The following MPP2 variants were observed in gnomAD, a reference collection of about 807,000 sequenced individuals.
The protein encoded by MPP2 is MAGUK p55 subfamily member 2.
Under a neutral mutation model 58.5 loss-of-function variants are expected in MPP2, and 42 were observed. That is an observed-to-expected ratio of 0.72 (90% CI 0.56 to 0.93). The LOEUF (loss-of-function observed/expected upper bound fraction) is 0.93, where lower values mean the gene tolerates loss of function less well. Ranked by LOEUF, MPP2 falls within the 40% of genes least tolerant of loss-of-function variation. The pLI is 0.00. For synonymous variants in MPP2, 300 were observed against 307.8 expected (o/e 0.97, Z 0.26); for missense variants, 632 against 760.4 (o/e 0.83, Z 1.99).
In MPP2 at chr17:43,875,817, G is replaced by A. The variant is rs942083642; in HGVS notation, c.*1990C>T. Reference sequence around the variant, plus strand: ...CAACCCATCTCCATCAGAGATGATGGTCATTTGGATCAAGGGGGCAGAAGC... The same window carrying A: ...CAACCCATCTCCATCAGAGATGATGATCATTTGGATCAAGGGGGCAGAAGC... On this transcript the variant is annotated 3_prime_UTR_variant, in exon 13 of 13. Transcript: ENST00000269095. 1 of 152,194 alleles carries A rather than the reference G, an allele frequency of 6.6e-6. No individual in the cohort carries two copies. Among genetic ancestry groups the A allele is most frequent in the Non-Finnish European group, 1.5e-5 (1 of 68,050 alleles). The allele number at this position is 152,194 out of a possible 1,614,324, so 9.4% of individuals were successfully genotyped here.
At position 43,901,710 on chromosome 17, in the gene MPP2, G is replaced by A. The variant is rs2048103190; in HGVS notation, c.31+2720C>T. ...AAAAAGGGAGGGAATCTGGTGACAG[G>A]GGAAGAGGGAGCAAGGCTGCAGGTC... is the stretch of plus-strand genomic sequence containing the variant. On this transcript the variant is annotated intron_variant, in intron 2 of 12. Transcript: ENST00000269095. 1.7e-5 allele frequency: 9 copies of A among 517,888 alleles called. No individual in the cohort carries two copies. The Admixed American group carries it at 4.5e-4, about 26-fold the overall frequency. 32.1% of individuals were successfully genotyped at this position (517,888 alleles called of 1,614,324 possible).
chr17:43,886,109 A>C (rs893994690), intron 3 of MPP2, among the ~76,000 whole-genome samples: 1 of 147,768 alleles, frequency 6.8e-6, no homozygotes, highest in Non-Finnish European at 1.5e-5. Flanking sequence ...CTCTGTTTCC[A>C]AAAAAAAAAA....
In MPP2 at chr17:43,879,233, A is replaced by T; in HGVS notation, c.1482+42T>A. ...GCTCAGGCCTGTCCCCCACCACCCTAGGCAGCTATCAGACCCCTCCCCCAC... is the reference window on the plus strand; with the variant it reads ...GCTCAGGCCTGTCCCCCACCACCCTTGGCAGCTATCAGACCCCTCCCCCAC... On this transcript the variant is annotated intron_variant, in intron 12 of 12. Transcript: ENST00000269095. The surrounding 1 kb of genome is among the most constrained non-coding windows in gnomAD (Gnocchi z 4.1). The T allele has an allele frequency of 6.3e-7, 1 of 1,583,396 alleles. No individual in the cohort carries two copies. Among genetic ancestry groups the T allele is most frequent in the South Asian group, 1.1e-5 (1 of 87,696 alleles).
intron 3 of MPP2, among the ~76,000 whole-genome samples, chr17:43,887,054 A>G (rs1003596296): frequency 1.3e-5 from 2 of 151,246 alleles, no homozygotes; most frequent in Non-Finnish European, 3.0e-5. Flanking sequence ...TGCATGCAAA[A>G]AAAAAAAAAA....
intron 2 of MPP2, chr17:43,900,490 T>TAC: frequency 1.3e-6 from 2 of 1,539,766 alleles, no homozygotes; most frequent in Non-Finnish European, 1.8e-6. Flanking sequence ...GGAGCTCCGC[T>TAC]TCCTCAGAAG....
intron 1 of MPP2, among the ~76,000 whole-genome samples, chr17:43,906,907 C>T (rs2048313630): frequency 6.7e-6 from 1 of 148,784 alleles, no homozygotes; most frequent in Non-Finnish European, 1.5e-5. Context: ...CTCTTCGCTT[C>T]TGGCACCGGT....
chr17:43,907,837 G>C, upstream of MPP2: 1 of 985,466 alleles, frequency 1.0e-6, no homozygotes, highest in Non-Finnish European at 1.2e-6. Context: ...TGCCTAATGA[G>C]ACCGGCTTGA....
In MPP2 at chr17:43,881,572, G is replaced by A. The variant is rs868650910; in HGVS notation, c.699C>T (p.His233=). The A allele has an allele frequency of 1.1e-5, 17 of 1,613,986 alleles. No individual in the cohort carries two copies. In the Middle Eastern group the frequency reaches 2.3e-3, roughly 220 times the overall value. ...HLPRQVFVKC[H]FDYDPARDSL... is the part of the protein sequence containing the mutation. The stretch of plus-strand genomic sequence containing the variant: ...TGTCTCGGGCCGGGTCATAGTCAAA[G>A]TGACATTTCACAAATACCTGGGCCC... Residue 233 remains histidine, a synonymous_variant, in exon 7 of 13, where the codon CAC becomes CAT. Transcript: ENST00000269095.
chr17:43,881,055 GAGGAGGGTAA>G (rs759199112), intron 9 of MPP2, 25 bp downstream of exon 9: 1 of 1,608,788 alleles, frequency 6.2e-7, no homozygotes, highest in Non-Finnish European at 8.5e-7. Context: ...TGCCATGTTA[GAGGAGGGTAA>G]GGGAGGGGGC....
intron 8 of MPP2, 26 bp downstream of exon 8, chr17:43,881,218 G>T: frequency 1.2e-6 from 2 of 1,613,556 alleles, no homozygotes; most frequent in African/African-American, 1.3e-5. Flanking sequence ...CCAGATTGGA[G>T]GTGTGGGGTA....
chr17:43,883,167 T>C (rs775654845), intron 4 of MPP2, 36 bp downstream of exon 4: 5 of 1,576,762 alleles, frequency 3.2e-6, no homozygotes, highest in Non-Finnish European at 3.5e-6. Flanking sequence ...TCCACCCACC[T>C]CCTGCTCCCT....
intron 3 of MPP2, among the ~76,000 whole-genome samples, chr17:43,897,505 C>A (rs1296507428): frequency 9.1e-6 from 1 of 109,380 alleles, no homozygotes; most frequent in Non-Finnish European, 2.0e-5. Flanking sequence ...ACAAAAAAAA[C>A]CATAAAGCCT....
chr17:43,907,918 C>T (rs2048356419), upstream of MPP2: 1 of 985,402 alleles, frequency 1.0e-6, no homozygotes, highest in African/African-American at 1.7e-5. Flanking sequence ...TCCTCGTTAT[C>T]CTGCTTCCAT....
intron 2 of MPP2, among the ~76,000 whole-genome samples, chr17:43,899,399 C>G (rs1225339387): frequency 6.6e-6 from 1 of 151,668 alleles, no homozygotes; most frequent in Non-Finnish European, 1.5e-5. Flanking sequence ...GGCCCAGAGT[C>G]AAGCAGGCAG....
Position 43,875,380 on chromosome 17 carries a change from A to G in MPP2, c.*2427T>C, listed in dbSNP as rs999695000. 6.6e-5 allele frequency: 10 copies of G among 152,292 alleles called. No individual in the cohort carries two copies. The highest frequency in any genetic ancestry group is 2.4e-4 in the African/African-American group (10 of 41,456). 9.4% of individuals were successfully genotyped at this position (152,292 alleles called of 1,614,324 possible). ...AAGCCTTTGCTTTCACATTTAATCCAAGGAAAAAGAAAGAAAACCAATCAG... is the reference window on the plus strand; with the variant it reads ...AAGCCTTTGCTTTCACATTTAATCCGAGGAAAAAGAAAGAAAACCAATCAG... On this transcript the variant is annotated 3_prime_UTR_variant, in exon 13 of 13. Transcript: ENST00000269095.
intron 1 of MPP2, chr17:43,907,245 C>G (rs1043409036): frequency 1.0e-6 from 1 of 985,532 alleles, no homozygotes; most frequent in South Asian, 4.7e-5. Flanking sequence ...GAGCCCCTAC[C>G]GCAGGGGCGG....
At chr17:43,900,696 G>T in intron 2 of MPP2, 1 of 1,374,662 alleles carries the variant, frequency 7.3e-7, no homozygotes, top group Non-Finnish European at 9.5e-7. Context: ...CTCAGCCGCC[G>T]TGACCGCCTT....
intron 1 of MPP2, among the ~76,000 whole-genome samples, chr17:43,906,861 GC>G (rs780132225): frequency 1.7e-4 from 13 of 74,670 alleles, no homozygotes; most frequent in African/African-American, 4.4e-4. Flanking sequence ...TATCCGCACC[GC>G]CCCCCCCTTA....
chr17:43,886,294 A>C (rs750847525), intron 3 of MPP2, among the ~76,000 whole-genome samples: 2 of 151,352 alleles, frequency 1.3e-5, no homozygotes, highest in African/African-American at 4.9e-5. Context: ...TATTATTGTT[A>C]GTTTGTTTGA....
Sources: allele counts gnomAD v4.1 joint callset (sites outside exome capture counted in the v4.1 genomes callset), GRCh38; gene constraint gnomAD v4.1.1; non-coding constraint Gnocchi (gnomAD v3.1); transcripts MANE v1.5; gene names NCBI Gene and HGNC (gene_info 2026-07-23, HGNC 2026-07-21).